TNIP2: variants seen among roughly 807,000 people sequenced by gnomAD.
TNIP2 encodes the protein TNFAIP3 interacting protein 2.
A neutral mutation model predicts 43.7 loss-of-function variants in TNIP2; 30 were observed. The observed-to-expected ratio is 0.69, with a 90% confidence interval of 0.51 to 0.93. The LOEUF is 0.93. Ranked by LOEUF, TNIP2 falls within the 40% of genes least tolerant of loss-of-function variation. TNIP2 has a pLI of 0.00. For missense variants in TNIP2, 599 were observed against 591.0 expected (o/e 1.01, Z -0.14); for synonymous variants, 260 against 254.6 (o/e 1.02, Z -0.20).
chr4:2,742,993 G>GAA, intron 5 of TNIP2, among the ~76,000 whole-genome samples: 2 of 152,134 alleles, frequency 1.3e-5, no homozygotes, highest in African/African-American at 4.8e-5. Flanking sequence ...AGGTGTCCCT[G>GAA]GCTTGGCCCC....
chr4:2,749,619 C>T (rs56128852), intron 1 of TNIP2, among the ~76,000 whole-genome samples: 52,536 of 151,948 alleles, frequency 0.35, 10,696 homozygotes, highest in Admixed American at 0.54. Flanking sequence ...GCTGAAGAGG[C>T]GAGGAAGGGT....
In TNIP2 at chr4:2,756,100, C is replaced by T. The variant is rs775612361; in HGVS notation, c.190G>A (p.Val64Met). ...ALEGDAAPSL[V>M]DALLEQVARF... is the part of the protein sequence containing the mutation. Reference sequence around the variant, plus strand: ...GCAACCTGCTCCAGCAGCGCGTCCACTAGGGACGGCGCGGCGTCCCCCTCC... The same window carrying T: ...GCAACCTGCTCCAGCAGCGCGTCCATTAGGGACGGCGCGGCGTCCCCCTCC... Residue 64 changes from valine (V) to methionine (M), a missense_variant, in exon 1 of 6, where the codon GTG becomes ATG. Transcript: ENST00000315423. The T allele has an allele frequency of 5.3e-6, 8 of 1,503,114 alleles. No individual in the cohort carries two copies. Among genetic ancestry groups the T allele is most frequent in the Non-Finnish European group, 7.0e-6 (8 of 1,137,132 alleles). 93.1% of individuals were successfully genotyped at this position (1,503,114 alleles called of 1,614,324 possible).
chr4:2,756,013 C>T lies in TNIP2; in HGVS notation c.276+1G>A. ...AGCTCCTCTGGTACCCGCCCTCGTA[C>T]CTGGCGCATCTGGGCCTCGGCGGCG... On this transcript the variant is annotated splice_donor_variant, in intron 1 of 5. Transcript: ENST00000315423. LOFTEE classifies it high-confidence loss of function. 3 of 1,547,784 alleles carry T rather than the reference C, an allele frequency of 1.9e-6. No individual in the cohort carries two copies. The highest frequency in any genetic ancestry group is 2.6e-6 in the Non-Finnish European group (3 of 1,158,528).
chr4:2,751,002 A>G (rs183482591), intron 1 of TNIP2, among the ~76,000 whole-genome samples: 6 of 152,354 alleles, frequency 3.9e-5, no homozygotes, highest in Admixed American at 1.3e-4. Context: ...ATACAGAGAC[A>G]GATCAGGACG....
intron 1 of TNIP2, 59 bp from the exon 2 acceptor site, chr4:2,748,004 A>T: frequency 1.3e-6 from 2 of 1,561,862 alleles, no homozygotes; most frequent in Non-Finnish European, 1.7e-6. Flanking sequence ...GTCAAGAGCA[A>T]ATGTTCAGAA....
chr4:2,750,125 C>T (rs113104394), intron 1 of TNIP2, among the ~76,000 whole-genome samples: 5 of 152,252 alleles, frequency 3.3e-5, no homozygotes, highest in African/African-American at 1.2e-4. Flanking sequence ...AATATCTGGC[C>T]TTAAATTTGT....
At chr4:2,749,250 G>A (rs1432123372) in intron 1 of TNIP2, among the ~76,000 whole-genome samples, 1 of 152,186 alleles carries the variant, frequency 6.6e-6, no homozygotes, top group Non-Finnish European at 1.5e-5. Flanking sequence ...GGGACTACAG[G>A]CTCAAGCCAC....
In TNIP2 at chr4:2,756,208, C is replaced by T; in HGVS notation, c.82G>A (p.Gly28Arg). 2 of 1,474,080 alleles carry T rather than the reference C, an allele frequency of 1.4e-6. No individual in the cohort carries two copies. The highest frequency in any genetic ancestry group is 1.8e-6 in the Non-Finnish European group (2 of 1,120,710). The allele number at this position is 1,474,080 out of a possible 1,614,324, so 91.3% of individuals were successfully genotyped here. Residue 28 changes from glycine to arginine, a missense_variant, in exon 1 of 6, where the codon GGA becomes AGA. Coordinates refer to ENST00000315423, the MANE Select transcript of TNIP2 (RefSeq NM_024309.4). ...AALCTLYHEA[G>R]QRLRRLQDQL... is the part of the protein sequence containing the mutation. ...TCCTGCAGGCGGCGCAGCCGCTGTC[C>T]GGCCTCGTGGTACAGGGTGCAGAGC...
rs1721892841 is a variant in TNIP2, at chr4:2,744,728, G to C, written c.875C>G (p.Ala292Gly). 1 of 1,605,654 alleles carries C rather than the reference G, an allele frequency of 6.2e-7. No homozygotes were observed. The highest frequency in any genetic ancestry group is 8.5e-7 in the Non-Finnish European group (1 of 1,179,944). The change falls in exon 4 of 6, where the codon GCG (alanine) becomes GGG (glycine). Residue 292 changes from alanine to glycine, a missense_variant. Coordinates refer to ENST00000315423, the MANE Select transcript of TNIP2 (RefSeq NM_024309.4). This position sits in a 1 kb window ranked among gnomAD's most constrained non-coding sequence, Gnocchi z 5.1. ...LAASRTARDA[A>G]LERVQMLEQQ... ...TTCCAGCATCTGCACCCGCTCCAAC[G>C]CAGCATCCCGGGCCGTCCTGGAGGC...
intron 1 of TNIP2, among the ~76,000 whole-genome samples, chr4:2,748,988 G>T (rs989566870): frequency 6.6e-6 from 1 of 151,674 alleles, no homozygotes; most frequent in Non-Finnish European, 1.5e-5. Flanking sequence ...ACAGGGTTTT[G>T]CTGTGATGCT....
rs1721805274 is a variant in TNIP2, at chr4:2,742,128, T to C, written c.*129A>G. On this transcript the variant is annotated 3_prime_UTR_variant, in exon 6 of 6. Transcript: ENST00000315423. The stretch of plus-strand genomic sequence containing the variant: ...AAGGGACCAAAGTGAACGATCAGAG[T>C]GCCCCGCAACTATTCTAGGGGCCTT... 7.7e-6 allele frequency: 7 copies of C among 909,384 alleles called. No individual in the cohort carries two copies. The highest frequency in any genetic ancestry group is 1.0e-5 in the Non-Finnish European group (7 of 668,960). The allele number at this position is 909,384 out of a possible 1,614,324, so 56.3% of individuals were successfully genotyped here.
At position 2,745,069 on chromosome 4, in the gene TNIP2, C is replaced by G. The variant is rs990095883; in HGVS notation, c.658-124G>C. 7.1e-6 allele frequency: 9 copies of G among 1,258,992 alleles called. No homozygotes were observed. The African/African-American group carries it at 1.4e-4, about 19-fold the overall frequency. 78.0% of individuals were successfully genotyped at this position (1,258,992 alleles called of 1,614,324 possible). The stretch of plus-strand genomic sequence containing the variant: ...GTGAGAGTTTCCTCTTAAATGGAAG[C>G]TGCCCCTCCCTGTTCTGTAGAGAGC... On this transcript the variant is annotated intron_variant, in intron 3 of 5. Coordinates refer to ENST00000315423, the MANE Select transcript of TNIP2 (RefSeq NM_024309.4).
At position 2,742,143 on chromosome 4, in the gene TNIP2, C is replaced by G; in HGVS notation, c.*114G>C. The G allele has an allele frequency of 9.1e-7, 1 of 1,098,720 alleles. No homozygotes were observed. Among genetic ancestry groups the G allele is most frequent in the Non-Finnish European group, 1.2e-6 (1 of 830,518 alleles). 68.1% of individuals were successfully genotyped at this position (1,098,720 alleles called of 1,614,324 possible). On this transcript the variant is annotated 3_prime_UTR_variant, in exon 6 of 6. Transcript: ENST00000315423. ...ACGATCAGAGTGCCCCGCAACTATT[C>G]TAGGGGCCTTGGCTCTCAGTAGAGC...
intron 1 of TNIP2, among the ~76,000 whole-genome samples, chr4:2,751,453 G>A (rs909095468): frequency 9.9e-5 from 15 of 152,132 alleles, no homozygotes; most frequent in African/African-American, 3.1e-4. Context: ...TTAGCGCTGC[G>A]GCAACAAAGT....
In TNIP2 at chr4:2,742,509, C is replaced by G. The variant is rs1261329779; in HGVS notation, c.1038G>C (p.Glu346Asp). The part of the protein sequence containing the change: ...HQVSWRQDSR[E>D]PDAGRIHAGS... ...CAGCGTGAATCCGGCCGGCGTCTGGCTCTCGAGAATCCTGGAGAAAAGGCA... is the reference window on the plus strand; with the variant it reads ...CAGCGTGAATCCGGCCGGCGTCTGGGTCTCGAGAATCCTGGAGAAAAGGCA... Residue 346 changes from glutamate to aspartate, a missense_variant, in exon 6 of 6, where the codon GAG (glutamate) becomes GAC (aspartate). Physicochemically the swap from Glu to Asp is conservative, Grantham distance 45. Coordinates refer to ENST00000315423, the MANE Select transcript of TNIP2 (RefSeq NM_024309.4). The G allele has an allele frequency of 4.5e-5, 71 of 1,588,402 alleles. No individual in the cohort carries two copies. The highest frequency in any genetic ancestry group is 5.8e-5 in the Non-Finnish European group (68 of 1,163,526).
At chr4:2,746,611 G>A (rs1219492234) in intron 2 of TNIP2, among the ~76,000 whole-genome samples, 2 of 152,236 alleles carry the variant, frequency 1.3e-5, no homozygotes, top group East Asian at 3.9e-4. Flanking sequence ...TGGGCGCCTC[G>A]GTGAAGCTGC....
rs1021684073 is a variant in TNIP2 at position 2,745,071 on chromosome 4, G to A, written c.658-126C>T. 1.2e-5 allele frequency: 15 copies of A among 1,257,160 alleles called. No individual in the cohort carries two copies. The East Asian group carries it at 3.3e-4, about 27-fold the overall frequency. 77.9% of individuals were successfully genotyped at this position (1,257,160 alleles called of 1,614,324 possible). On this transcript the variant is annotated intron_variant, in intron 3 of 5. Coordinates refer to ENST00000315423, the MANE Select transcript of TNIP2 (RefSeq NM_024309.4). ...GAGAGTTTCCTCTTAAATGGAAGCT[G>A]CCCCTCCCTGTTCTGTAGAGAGCAG...
At position 2,744,558 on chromosome 4, in the gene TNIP2, A is replaced by C. The variant is rs13145281; in HGVS notation, c.907-52T>G. ...TGCTCAAGGAAGGAGGAAGCGCCCC[A>C]CCAGGCTTCTCCCACCCCCACAGTG... On this transcript the variant is annotated intron_variant, in intron 4 of 5. Transcript: ENST00000315423. This position sits in a 1 kb window ranked among gnomAD's most constrained non-coding sequence, Gnocchi z 5.1. The C allele has an allele frequency of 0.49, 780,675 of 1,609,204 alleles. 192,114 individuals are homozygous for C. The highest frequency in any genetic ancestry group is 0.69 in the Admixed American group (41,372 of 59,952).
Position 2,744,499 on chromosome 4 carries a change from G to A in TNIP2, c.914C>T (p.Ala305Val). The part of the protein sequence containing the change: ...RVQMLEQQIL[A>V]YKDDFMSERA... ...TTCTGACATGAAGTCATCCTTGTAA[G>A]CGAGAATCTGAAGAGAGGCGAGACA... is the stretch of plus-strand genomic sequence containing the variant. Residue 305 changes from alanine to valine, a missense_variant, in exon 5 of 6, where the codon GCT (alanine) becomes GTT (valine). Transcript: ENST00000315423. This position sits in a 1 kb window ranked among gnomAD's most constrained non-coding sequence, Gnocchi z 5.1. 1.9e-6 allele frequency: 3 copies of A among 1,614,180 alleles called. No homozygotes were observed. Among genetic ancestry groups the A allele is most frequent in the Non-Finnish European group, 1.7e-6 (2 of 1,180,036 alleles).
Sources: allele counts gnomAD v4.1 joint callset (sites outside exome capture counted in the v4.1 genomes callset), GRCh38; gene constraint gnomAD v4.1.1; non-coding constraint Gnocchi (gnomAD v3.1); transcripts MANE v1.5; gene names NCBI Gene and HGNC (gene_info 2026-07-23, HGNC 2026-07-21).